RANBP17: variants seen among roughly 807,000 people sequenced by gnomAD.
RANBP17 encodes the protein RAN binding protein 17.
Under a neutral mutation model 141.2 loss-of-function variants are expected in RANBP17, and 158 were observed. The ratio of observed to expected loss-of-function variants is 1.12; its 90% CI spans 0.98 to 1.28. The LOEUF (loss-of-function observed/expected upper bound fraction) is 1.28, where lower values mean the gene tolerates loss of function less well. Ranked by LOEUF, RANBP17 falls within the 50% of genes most tolerant of loss-of-function variation. The probability of loss-of-function intolerance (pLI) is 0.00; values close to 1 mark genes in which losing one functional copy is unlikely to be tolerated. For synonymous variants in RANBP17, 430 were observed against 450.0 expected (o/e 0.96, Z 0.56); for missense variants, 1,438 against 1,290.7 (o/e 1.11, Z -1.75).
At chr5:170,902,848 G>A (rs1023075886) in intron 5 of RANBP17, among the ~76,000 whole-genome samples, 14 of 152,162 alleles carry the variant, frequency 9.2e-5, no homozygotes, top group Admixed American at 3.3e-4. Context: ...TATCACCAGC[G>A]GAGGCTGCAG....
chr5:171,024,174 G>A (rs1781078577), intron 14 of RANBP17, among the ~76,000 whole-genome samples: 1 of 152,068 alleles, frequency 6.6e-6, no homozygotes, highest in South Asian at 2.1e-4. Context: ...AAATCAAAAA[G>A]GTAATTTAAG....
At chr5:171,127,657 G>A (rs1756578507) in intron 14 of RANBP17, among the ~76,000 whole-genome samples, 1 of 152,110 alleles carries the variant, frequency 6.6e-6, no homozygotes, top group African/African-American at 2.4e-5. Context: ...CCACAATGAA[G>A]TGTCTTCTCA....
intron 22 of RANBP17, among the ~76,000 whole-genome samples, chr5:171,238,302 A>G (rs1764663820): frequency 6.6e-6 from 1 of 152,222 alleles, no homozygotes; most frequent in South Asian, 2.1e-4. Context: ...ATGGGTTAAT[A>G]CAGATGTATC....
intron 12 of RANBP17, among the ~76,000 whole-genome samples, chr5:170,947,462 G>C (rs1007480204): frequency 4.6e-5 from 7 of 152,156 alleles, no homozygotes; most frequent in African/African-American, 1.7e-4. Context: ...TAAGTGCTAA[G>C]ATTTAAAATA....
At chr5:170,927,582 C>G (rs1773031088) in intron 12 of RANBP17, among the ~76,000 whole-genome samples, 3 of 151,220 alleles carry the variant, frequency 2.0e-5, no homozygotes, top group Non-Finnish European at 4.4e-5. Flanking sequence ...CTTTTTTTCT[C>G]CTTGATTTTT....
intron 14 of RANBP17, among the ~76,000 whole-genome samples, chr5:171,127,697 A>G (rs1336733658): frequency 6.6e-6 from 1 of 152,210 alleles, no homozygotes; most frequent in Non-Finnish European, 1.5e-5. Flanking sequence ...TATCAAAAAG[A>G]CAATAAATAA....
intron 14 of RANBP17, among the ~76,000 whole-genome samples, chr5:170,974,618 C>G (rs1263550245): frequency 1.3e-5 from 2 of 152,144 alleles, no homozygotes; most frequent in African/African-American, 2.4e-5. Flanking sequence ...TCTGGTGGCC[C>G]TGTCCTTCCA....
At chr5:171,006,385 G>T (rs184533291) in intron 14 of RANBP17, among the ~76,000 whole-genome samples, 2,760 of 152,226 alleles carry the variant, frequency 0.018, 80 homozygotes, top group African/African-American at 0.063. Flanking sequence ...AGAAAATGTG[G>T]CACATATACA....
chr5:171,034,622 G>A (rs142846932), intron 14 of RANBP17, among the ~76,000 whole-genome samples: 1 of 152,150 alleles, frequency 6.6e-6, no homozygotes, highest in Non-Finnish European at 1.5e-5. Context: ...TTTGTGACTC[G>A]GTTCATTTCA....
intron 1 of RANBP17, among the ~76,000 whole-genome samples, chr5:170,872,184 T>A (rs937906252): frequency 2.6e-5 from 4 of 152,252 alleles, no homozygotes; most frequent in Non-Finnish European, 5.9e-5. Flanking sequence ...TTGTGTCCTC[T>A]CATTTCCTCG....
intron 16 of RANBP17, among the ~76,000 whole-genome samples, chr5:171,182,629 G>A (rs1449195829): frequency 2.0e-5 from 3 of 152,142 alleles, no homozygotes; most frequent in Non-Finnish European, 4.4e-5. Flanking sequence ...TTACGTACTA[G>A]GCACTTGAGA....
chr5:170,968,043 G>A (rs1561941028), intron 13 of RANBP17, among the ~76,000 whole-genome samples, 199 bp from the exon 14 acceptor site: 1 of 151,760 alleles, frequency 6.6e-6, no homozygotes, highest in Non-Finnish European at 1.5e-5. Flanking sequence ...GGAAAAAAAG[G>A]CTAGAATGAA....
intron 1 of RANBP17, among the ~76,000 whole-genome samples, chr5:170,866,332 G>C (rs1461474736): frequency 1.3e-5 from 2 of 152,174 alleles, no homozygotes; most frequent in African/African-American, 4.8e-5. Flanking sequence ...AGATAACATT[G>C]AGCTTGTAAA....
At chr5:171,250,968 T>A (rs916796764) in intron 24 of RANBP17, among the ~76,000 whole-genome samples, 1 of 152,220 alleles carries the variant, frequency 6.6e-6, no homozygotes, top group South Asian at 2.1e-4. Flanking sequence ...TAAACTGGAC[T>A]TTAGACCACA....
At chr5:171,277,461 G>A (rs1441280475) in intron 25 of RANBP17, among the ~76,000 whole-genome samples, 1 of 150,454 alleles carries the variant, frequency 6.6e-6, no homozygotes, top group African/African-American at 2.4e-5. Flanking sequence ...CCTTCATTCT[G>A]TAACAGAAGC....
At chr5:171,147,865 G>A (rs969556979) in intron 14 of RANBP17, among the ~76,000 whole-genome samples, 4 of 152,162 alleles carry the variant, frequency 2.6e-5, no homozygotes, top group Admixed American at 6.5e-5. Flanking sequence ...CCCTCTGCCC[G>A]GCCACCACCC....
Position 170,916,465 on chromosome 5 carries a change from G to A in RANBP17, c.835G>A (p.Ala279Thr). 2 of 1,526,980 alleles carry A rather than the reference G, an allele frequency of 1.3e-6. No homozygotes were observed. The highest frequency in any genetic ancestry group is 1.3e-5 in the South Asian group (1 of 76,556). 94.6% of individuals were successfully genotyped at this position (1,526,980 alleles called of 1,614,324 possible). A position where few individuals can be genotyped will look rare whatever the true frequency, so the allele number is the denominator to read the frequency against. ...HSLPPLLSQL[A>T]LSCLVQFAST... The stretch of plus-strand genomic sequence containing the variant: ...ATGAAATTTTTTTGGTATTTTTTAG[G>A]CACTTTCATGTTTAGTTCAGTTTGC... Residue 279 changes from alanine to threonine, a missense_variant and splice_region_variant, in exon 9 of 28, where the codon GCA becomes ACA. Ala to Thr is a moderately conservative substitution (Grantham distance 58, BLOSUM62 0). Transcript: ENST00000523189.
At chr5:171,290,009 G>A (rs1202493887) in intron 25 of RANBP17, among the ~76,000 whole-genome samples, 1 of 149,914 alleles carries the variant, frequency 6.7e-6, no homozygotes, top group East Asian at 2.0e-4. Context: ...TAGCCTTGGT[G>A]ATAGTGACAG....
chr5:171,010,080 C>T (rs868811423), intron 14 of RANBP17, among the ~76,000 whole-genome samples: 2 of 152,086 alleles, frequency 1.3e-5, no homozygotes, highest in African/African-American at 4.8e-5. Flanking sequence ...AAGGAAGGAG[C>T]CACAAAGTGA....
Sources: allele counts gnomAD v4.1 joint callset (sites outside exome capture counted in the v4.1 genomes callset), GRCh38; gene constraint gnomAD v4.1.1; transcripts MANE v1.5; gene names NCBI Gene and HGNC (gene_info 2026-07-23, HGNC 2026-07-21).